Variants in A2ML1 observed in about 807,000 individuals in gnomAD.
A2ML1 encodes alpha-2-macroglobulin-like protein 1.
In A2ML1, 161 loss-of-function variants were observed where a neutral mutation model predicts 181.9. That is an observed-to-expected ratio of 0.89 (90% CI 0.78 to 1.01). A2ML1 has a LOEUF of 1.01. A2ML1 is among the 50% of genes least tolerant of loss of function. The pLI is 0.00. For missense variants in A2ML1, 1,670 were observed against 1,768.1 expected, an observed-to-expected ratio of 0.94 and a Z score of 1.00; for synonymous variants, 663 against 666.8, an observed-to-expected ratio of 0.99 and a Z score of 0.09.
chr12:8,877,946 A>G (rs914971452), downstream of A2ML1, among the ~76,000 whole-genome samples: 9 of 152,198 alleles, frequency 5.9e-5, no homozygotes, highest in East Asian at 3.8e-4. Flanking sequence ...ATGTTCATCA[A>G]TGGTAGAGTG....
intron 7 of A2ML1, among the ~76,000 whole-genome samples, chr12:8,881,793 C>T (rs935964102): frequency 1.7e-4 from 26 of 151,990 alleles, no homozygotes; most frequent in African/African-American, 5.8e-4. Context: ...GGGTGGATCA[C>T]GAGGTCAGGA....
intron 3 of A2ML1, among the ~76,000 whole-genome samples, chr12:8,828,683 A>G (rs1439777100): frequency 6.6e-6 from 1 of 152,036 alleles, no homozygotes; most frequent in Admixed American, 6.5e-5. Flanking sequence ...GTCTCTCCCC[A>G]TAGTCACCAC....
At chr12:8,822,802 ACTTT>A in intron 1 of A2ML1, 89 bp downstream of exon 1, 1 of 1,278,924 alleles carries the variant, frequency 7.8e-7, no homozygotes, top group Non-Finnish European at 1.1e-6. Context: ...GGGGAGATCA[ACTTT>A]GGTTTATCTT....
At position 8,876,637 on chromosome 12, in the gene A2ML1, C is replaced by T. The variant is rs1361159032; in HGVS notation, c.*581C>T. The T allele has an allele frequency of 6.6e-6, 1 of 152,114 alleles. No individual in the cohort carries two copies. The highest frequency in any genetic ancestry group is 2.4e-5 in the African/African-American group (1 of 41,386). The allele number at this position is 152,114 out of a possible 1,614,324, so 9.4% of individuals were successfully genotyped here. A position where few individuals can be genotyped will look rare whatever the true frequency, so the allele number is the denominator to read the frequency against. Reference sequence around the variant, plus strand: ...GCAGTGAGCTGAGATTGTGCCACTGCACTCCAGCCTGGGCAATGAGGCAAG... The same window carrying T: ...GCAGTGAGCTGAGATTGTGCCACTGTACTCCAGCCTGGGCAATGAGGCAAG... On this transcript the variant is annotated 3_prime_UTR_variant, in exon 36 of 36. Transcript: ENST00000299698.
At position 8,847,367 on chromosome 12, in the gene A2ML1, C is replaced by T. The variant is rs79234083; in HGVS notation, c.1684-182C>T. Among the ~76,000 whole-genome samples the T allele has an allele frequency of 0.025, 3,794 of 152,178 alleles. 148 individuals carry two copies. Among genetic ancestry groups the T allele is most frequent in the African/African-American group, 0.086 (3,560 of 41,504 alleles). The stretch of plus-strand genomic sequence containing the variant: ...TCCTTCTACTGTGCTGCTCACGTTT[C>T]CCAACTCTATCACGGCATACACGTC... On this transcript the variant is annotated intron_variant, in intron 14 of 35. Transcript: ENST00000299698.
chr12:8,867,931 T>C lies in A2ML1; in HGVS notation c.3807T>C (p.Thr1269=). ...AGATCAACCTGGTTGTAAAATCCACTGAGAATTTCCAGCGCACATTCAACA... is the reference window on the plus strand; with the variant it reads ...AGATCAACCTGGTTGTAAAATCCACCGAGAATTTCCAGCGCACATTCAACA... ...SEEINLVVKS[T]ENFQRTFNIQ... is the part of the protein sequence containing the mutation. Residue 1269 remains threonine, a synonymous_variant, in exon 30 of 36, where the codon ACT becomes ACC. Coordinates refer to ENST00000299698, the MANE Select transcript of A2ML1 (RefSeq NM_144670.6). The C allele has an allele frequency of 1.2e-6, 2 of 1,614,234 alleles. No homozygotes were observed. Among genetic ancestry groups the C allele is most frequent in the Non-Finnish European group, 1.7e-6 (2 of 1,180,044 alleles).
chr12:8,854,830 A>G lies in A2ML1; in HGVS notation c.2763A>G (p.Lys921=). 7 of 1,613,620 alleles carry G rather than the reference A, an allele frequency of 4.3e-6. No homozygotes were observed. Among genetic ancestry groups the G allele is most frequent in the Non-Finnish European group, 5.9e-6 (7 of 1,179,926 alleles). Residue 921 remains lysine, a splice_region_variant and synonymous_variant, in exon 22 of 36, where the codon AAA becomes AAG. Coordinates refer to ENST00000299698, the MANE Select transcript of A2ML1 (RefSeq NM_144670.6). ...CACACAGCTCATTGCTGTGCCCAAA[A>G]GGTGGGTGGACTCAGAGCAGGATTG... The part of the protein sequence containing the change: ...EKTHSSLLCP[K]GKVASESVSL...
chr12:8,860,850 C>T, intron 26 of A2ML1, 31 bp from the exon 27 acceptor site: 1 of 1,605,420 alleles, frequency 6.2e-7, no homozygotes, highest in Non-Finnish European at 8.5e-7. Context: ...TGCCTGCTGC[C>T]CTGACTCACT....
rs143372440 is a variant in A2ML1 at position 8,856,346 on chromosome 12, G to T, written c.2848+754G>T. On this transcript the variant is annotated intron_variant, in intron 23 of 35. Transcript: ENST00000299698. ...TGTCTATATCTGTCTTCCACACTGT[G>T]TTGGGGGCTCCTGAAGAGGAAGGGC... Among the ~76,000 whole-genome samples, 12 of 152,308 alleles carry T rather than the reference G, an allele frequency of 7.9e-5. No homozygotes were observed. The East Asian group carries it at 2.3e-3, about 29-fold the overall frequency.
At chr12:8,885,541 TCTG>T (rs1188961685) in intron 7 of A2ML1, among the ~76,000 whole-genome samples, 1 of 152,126 alleles carries the variant, frequency 6.6e-6, no homozygotes, top group African/African-American at 2.4e-5. Context: ...CATTGCAACT[TCTG>T]CTTCCCGGGC....
At chr12:8,823,459 C>CT in intron 2 of A2ML1, 94 bp downstream of exon 2, 2 of 1,396,574 alleles carry the variant, frequency 1.4e-6, no homozygotes, top group East Asian at 4.6e-5. Flanking sequence ...TTTCTGTTAT[C>CT]TTTTGCCACG....
intron 20 of A2ML1, among the ~76,000 whole-genome samples, chr12:8,853,085 C>T (rs1014458950): frequency 6.6e-6 from 1 of 152,182 alleles, no homozygotes; most frequent in African/African-American, 2.4e-5. Flanking sequence ...GCCTCAACCT[C>T]CCAGGCTCAA....
At chr12:8,872,539 T>C (rs1290944170) in intron 33 of A2ML1, among the ~76,000 whole-genome samples, 1 of 152,026 alleles carries the variant, frequency 6.6e-6, no homozygotes, top group Non-Finnish European at 1.5e-5. Context: ...CCCAGCACTT[T>C]GGGAGGCCGA....
rs756550358 is a variant in A2ML1, at chr12:8,822,758, T to A, written c.62+45T>A. 5.7e-6 allele frequency: 9 copies of A among 1,573,572 alleles called. No individual in the cohort carries two copies. The South Asian group carries it at 8.9e-5, about 16-fold the overall frequency. On this transcript the variant is annotated intron_variant, in intron 1 of 35. Transcript: ENST00000299698. The stretch of plus-strand genomic sequence containing the variant: ...ATTGGTTTATTAGGGCAGCGGCTTC[T>A]TCGCCTAACTTTCTCAAACATTTAT...
At chr12:8,828,420 G>T (rs1943000657) in intron 3 of A2ML1, among the ~76,000 whole-genome samples, 1 of 152,154 alleles carries the variant, frequency 6.6e-6, no homozygotes, top group African/African-American at 2.4e-5. Context: ...GATACTTCCA[G>T]TATTCTCTCG....
chr12:8,834,533 T>TAGAAAGGA, intron 4 of A2ML1, 129 bp from the exon 5 acceptor site: 1 of 1,165,562 alleles, frequency 8.6e-7, no homozygotes, highest in Non-Finnish European at 1.2e-6. Context: ...AAGAGCCATT[T>TAGAAAGGA]AGAAAGGAAG....
chr12:8,872,198 A>C (rs1160567566), intron 33 of A2ML1, among the ~76,000 whole-genome samples: 2 of 151,786 alleles, frequency 1.3e-5, no homozygotes, highest in African/African-American at 4.8e-5. Context: ...AAAAAAAAAA[A>C]AAAACTGCTA....
intron 29 of A2ML1, among the ~76,000 whole-genome samples, chr12:8,865,471 A>G (rs149555679): frequency 0.019 from 2,935 of 152,270 alleles, 110 homozygotes; most frequent in African/African-American, 0.067. Flanking sequence ...CCCGGGAGGC[A>G]GAGGTTGCGG....
intron 21 of A2ML1, 69 bp from the exon 22 acceptor site, chr12:8,854,711 C>A (rs2136897958): frequency 6.3e-7 from 1 of 1,579,774 alleles, no homozygotes; most frequent in East Asian, 2.2e-5. Flanking sequence ...CCTCCCTTCC[C>A]TTTCCTTTAG....
Sources: gnomAD v4.1 joint callset for allele counts (sites outside exome capture counted in the v4.1 genomes callset) on GRCh38, gnomAD v4.1.1 for gene constraint, MANE v1.5 for transcripts, NCBI Gene and HGNC (gene_info 2026-07-23, HGNC 2026-07-21) for gene names.